Variants in EYS observed in about 807,000 individuals in gnomAD.
EYS encodes the protein EGF-like photoreceptor maintenance factor.
In EYS, 250 loss-of-function variants were observed where a neutral mutation model predicts 282.1. The ratio of observed to expected loss-of-function variants is 0.89; its 90% CI spans 0.80 to 0.98. EYS has a LOEUF of 0.98. EYS is among the 50% of genes least tolerant of loss of function. The probability of loss-of-function intolerance (pLI) is 0.00; values close to 1 mark genes in which losing one functional copy is unlikely to be tolerated. For synonymous variants in EYS, 1,355 were observed against 1,282.9 expected (o/e 1.06, Z -1.20); for missense variants, 4,016 against 3,709.0 (o/e 1.08, Z -2.15).
intron 12 of EYS, among the ~76,000 whole-genome samples, chr6:65,150,264 C>T (rs1764581054): frequency 2.6e-5 from 4 of 151,448 alleles, no homozygotes; most frequent in Admixed American, 2.0e-4. Context: ...ACTTTTTTTC[C>T]CCTTTTTTCT....
intron 33 of EYS, among the ~76,000 whole-genome samples, chr6:64,023,614 G>A (rs537146840): frequency 1.3e-5 from 2 of 152,296 alleles, no homozygotes; most frequent in African/African-American, 4.8e-5. Context: ...GGTATTGAGA[G>A]GCAACAGTGT....
chr6:64,723,867 C>A (rs764704846), intron 22 of EYS, among the ~76,000 whole-genome samples: 1 of 152,098 alleles, frequency 6.6e-6, no homozygotes, highest in Middle Eastern at 3.2e-3. Flanking sequence ...GCAGTTTTAG[C>A]CTCATCACTG....
At chr6:64,305,347 C>T (rs993367165) in intron 30 of EYS, among the ~76,000 whole-genome samples, 35 of 85,062 alleles carry the variant, frequency 4.1e-4, no homozygotes, top group African/African-American at 1.7e-3. Context: ...CAACAAAATC[C>T]CAGTGATTTT....
intron 2 of EYS, among the ~76,000 whole-genome samples, chr6:65,604,387 A>C (rs981361506): frequency 6.6e-6 from 1 of 152,024 alleles, no homozygotes; most frequent in Non-Finnish European, 1.5e-5. Flanking sequence ...CCCAGAATAC[A>C]TAAAAGGGAA....
At chr6:64,920,327 T>C (rs903798569) in intron 15 of EYS, among the ~76,000 whole-genome samples, 1 of 152,160 alleles carries the variant, frequency 6.6e-6, no homozygotes, top group Non-Finnish European at 1.5e-5. Flanking sequence ...AAATGACTAG[T>C]GTTATAAACA....
intron 11 of EYS, among the ~76,000 whole-genome samples, chr6:65,306,699 G>A (rs990973450): frequency 6.8e-6 from 1 of 146,568 alleles, no homozygotes; most frequent in African/African-American, 2.5e-5. Flanking sequence ...CAGGCGTGGT[G>A]GTGGGTGCCT....
intron 12 of EYS, among the ~76,000 whole-genome samples, chr6:65,147,910 T>C (rs951185737): frequency 2.6e-5 from 4 of 152,032 alleles, no homozygotes; most frequent in African/African-American, 9.7e-5. Context: ...GGAAATGGTA[T>C]ATGCTTGGAA....
At chr6:64,641,831 C>T (rs1768166176) in intron 22 of EYS, among the ~76,000 whole-genome samples, 1 of 152,124 alleles carries the variant, frequency 6.6e-6, no homozygotes, top group African/African-American at 2.4e-5. Flanking sequence ...CTATTGTGAA[C>T]CTCATATGCA....
At chr6:65,691,314 G>A (rs1239666333) in intron 1 of EYS, among the ~76,000 whole-genome samples, 1 of 150,254 alleles carries the variant, frequency 6.7e-6, no homozygotes, top group Non-Finnish European at 1.5e-5. Flanking sequence ...GTTTTGATTT[G>A]CCTTTAACTA....
chr6:65,378,031 A>G (rs1765444912), intron 8 of EYS, among the ~76,000 whole-genome samples: 1 of 152,056 alleles, frequency 6.6e-6, no homozygotes, highest in Non-Finnish European at 1.5e-5. Context: ...AGATAGACAA[A>G]TGCGATCTAA....
intron 14 of EYS, among the ~76,000 whole-genome samples, chr6:64,951,532 C>G (rs747609633): frequency 6.6e-6 from 1 of 151,840 alleles, no homozygotes; most frequent in Non-Finnish European, 1.5e-5. Context: ...GACAAACTGA[C>G]AGTAGAAATA....
intron 35 of EYS, among the ~76,000 whole-genome samples, chr6:63,973,481 T>G (rs1766687525): frequency 6.6e-6 from 1 of 152,164 alleles, no homozygotes; most frequent in Non-Finnish European, 1.5e-5. Context: ...TGAATTAAAG[T>G]CTAAAAAATT....
At chr6:65,141,200 G>A (rs959776432) in intron 12 of EYS, among the ~76,000 whole-genome samples, 30 of 152,028 alleles carry the variant, frequency 2.0e-4, no homozygotes, top group African/African-American at 7.2e-4. Flanking sequence ...TAGGGACATG[G>A]ATGAAGCTGG....
chr6:63,780,365 C>T (rs892344086), intron 39 of EYS, among the ~76,000 whole-genome samples: 1 of 152,318 alleles, frequency 6.6e-6, no homozygotes, highest in South Asian at 2.1e-4. Flanking sequence ...GTACCGCCAA[C>T]AGTGTAAAAG....
chr6:63,983,627 A>G (rs1437532164), intron 35 of EYS, among the ~76,000 whole-genome samples: 1 of 151,784 alleles, frequency 6.6e-6, no homozygotes, highest in Non-Finnish European at 1.5e-5. Flanking sequence ...AATTAATTAA[A>G]ATATTTCCTG....
chr6:64,702,035 C>CTT (rs11439219), intron 22 of EYS, among the ~76,000 whole-genome samples: 33 of 150,360 alleles, frequency 2.2e-4, no homozygotes, highest in South Asian at 4.2e-4. Flanking sequence ...CATAAAATGC[C>CTT]TTTTTTTTTC....
chr6:65,617,664 C>A (rs967586876), intron 2 of EYS, among the ~76,000 whole-genome samples: 1 of 150,946 alleles, frequency 6.6e-6, no homozygotes, highest in African/African-American at 2.4e-5. Context: ...AACTCGTCAT[C>A]TAGCATTAGG....
chr6:64,245,492 T>C (rs781572288), intron 30 of EYS, among the ~76,000 whole-genome samples: 3 of 150,382 alleles, frequency 2.0e-5, no homozygotes, highest in Non-Finnish European at 4.4e-5. Context: ...TACTCCGTTT[T>C]TATGGCATCC....
At chr6:65,354,700 C>T (rs1582177911) in intron 8 of EYS, among the ~76,000 whole-genome samples, 1 of 152,032 alleles carries the variant, frequency 6.6e-6, no homozygotes, top group Non-Finnish European at 1.5e-5. Flanking sequence ...GCCTGTAATC[C>T]CGCCTACTCT....
Sources: gnomAD v4.1 joint callset for allele counts (sites outside exome capture counted in the v4.1 genomes callset) on GRCh38, gnomAD v4.1.1 for gene constraint, MANE v1.5 for transcripts, NCBI Gene and HGNC (gene_info 2026-07-23, HGNC 2026-07-21) for gene names.